The following CFDP1 variants were observed in gnomAD, a reference collection of about 807,000 sequenced individuals.
CFDP1 encodes heterochromatin-stabilizing protein CFDP1.
A neutral mutation model predicts 40.1 loss-of-function variants in CFDP1; 31 were observed. The observed-to-expected ratio is 0.77, with a 90% CI of 0.58 to 1.04. CFDP1 has a LOEUF of 1.04. Among genes scored for constraint, CFDP1 ranks in the 50% least tolerant of loss-of-function variants. The probability of loss-of-function intolerance (pLI) is 0.00; values close to 1 mark genes in which losing one functional copy is unlikely to be tolerated. For missense variants in CFDP1, 423 were observed against 343.4 expected (o/e 1.23, Z -1.83); for synonymous variants, 167 against 120.0 (o/e 1.39, Z -2.56).
At chr16:75,424,952 C>T (rs928367835) in intron 1 of CFDP1, among the ~76,000 whole-genome samples, 4 of 152,068 alleles carry the variant, frequency 2.6e-5, no homozygotes, top group Non-Finnish European at 4.4e-5. Flanking sequence ...CCCACAGAAT[C>T]TACAAAAACC....
intron 5 of CFDP1, among the ~76,000 whole-genome samples, chr16:75,317,838 T>C (rs1353860492): frequency 6.6e-6 from 1 of 151,994 alleles, no homozygotes; most frequent in African/African-American, 2.4e-5. Context: ...TGGCCAGGTG[T>C]GGTAGCTCAC....
chr16:75,419,721 C>T (rs2079255114), intron 1 of CFDP1, among the ~76,000 whole-genome samples: 1 of 152,122 alleles, frequency 6.6e-6, no homozygotes, highest in Non-Finnish European at 1.5e-5. Flanking sequence ...CTGGCTAAAA[C>T]CCACCAAAAC....
At chr16:75,374,663 C>A (rs974257870) in intron 5 of CFDP1, among the ~76,000 whole-genome samples, 4 of 151,094 alleles carry the variant, frequency 2.6e-5, no homozygotes, top group Non-Finnish European at 4.4e-5. Context: ...AAAAAAAAAA[C>A]ACACAGAAAT....
rs1555557207 is a variant in CFDP1 at position 75,349,684 on chromosome 16, A to ATATATATATATATATATATAT, written c.651-44503_651-44502insATATATATATATATATATATA. 3.4e-3 allele frequency among the ~76,000 whole-genome samples: 28 copies of ATATATATATATATATATATAT among 8,270 alleles called. 3 individuals carry two copies. The highest frequency in any genetic ancestry group is 8.3e-3 in the Admixed American group (3 of 360). 5.4% of individuals were successfully genotyped at this position (8,270 alleles called of 152,430 possible). On this transcript the variant is annotated intron_variant, in intron 5 of 6. Transcript: ENST00000283882. ...AAAAAAAAAAAAAAAAAAAAAAAAA[A>ATATATATATATATATATATAT]AAAAAAATATATATACATACATATA...
At chr16:75,354,833 G>A (rs8050059) in intron 5 of CFDP1, among the ~76,000 whole-genome samples, 78,627 of 152,050 alleles carry the variant, frequency 0.52, 21,441 homozygotes, top group Admixed American at 0.64. Flanking sequence ...GTACCGTCCC[G>A]TTGTTAATCT....
intron 4 of CFDP1, among the ~76,000 whole-genome samples, chr16:75,400,942 C>T (rs1300413150): frequency 6.6e-6 from 1 of 152,094 alleles, no homozygotes; most frequent in African/African-American, 2.4e-5. Flanking sequence ...CAGAAAATGT[C>T]CTAGAAGTGA....
chr16:75,395,487 C>T (rs959105282), intron 4 of CFDP1, among the ~76,000 whole-genome samples: 10 of 151,810 alleles, frequency 6.6e-5, no homozygotes, highest in South Asian at 2.1e-4. Context: ...GGTGAAATCC[C>T]GTCTCTATTA....
intron 5 of CFDP1, among the ~76,000 whole-genome samples, chr16:75,310,123 T>A (rs868159877): frequency 1.3e-5 from 2 of 152,216 alleles, no homozygotes; most frequent in African/African-American, 4.8e-5. Flanking sequence ...TGCAACCACC[T>A]CCTCCTGAAC....
At chr16:75,294,175 A>G in intron 6 of CFDP1, 133 bp from the exon 7 acceptor site, 1 of 647,882 alleles carries the variant, frequency 1.5e-6, no homozygotes. Context: ...CTCTTCCAGT[A>G]CAATCCAAAC....
chr16:75,309,819 CAAAAAAAA>C (rs1156624164), intron 5 of CFDP1, among the ~76,000 whole-genome samples: 21 of 46,480 alleles, frequency 4.5e-4, no homozygotes, highest in African/African-American at 1.4e-3. Context: ...GACTCCATCT[CAAAAAAAA>C]AAAAAAAAAA....
At chr16:75,409,324 T>C (rs77402732) in intron 4 of CFDP1, 1 of 152,152 alleles carries the variant, frequency 6.6e-6, no homozygotes, top group African/African-American at 2.4e-5. Flanking sequence ...AATCTTTTTT[T>C]CCCCCACACC....
At chr16:75,362,312 C>T (rs1353325227) in intron 5 of CFDP1, among the ~76,000 whole-genome samples, 1 of 152,162 alleles carries the variant, frequency 6.6e-6, no homozygotes, top group Non-Finnish European at 1.5e-5. Context: ...CCAGCTGCAC[C>T]TCTAGGAGGG....
chr16:75,412,961 A>AGT (rs2079175916), intron 2 of CFDP1, among the ~76,000 whole-genome samples: 1 of 151,952 alleles, frequency 6.6e-6, no homozygotes, highest in Admixed American at 6.6e-5. Context: ...CTGAGCTCTT[A>AGT]GTGCTAACTT....
chr16:75,303,357 C>T (rs1435397943), intron 6 of CFDP1, among the ~76,000 whole-genome samples: 2 of 148,344 alleles, frequency 1.3e-5, no homozygotes, highest in Non-Finnish European at 3.0e-5. Flanking sequence ...CAGGGTGAGA[C>T]TCCATCTCTA....
At chr16:75,395,004 G>T in intron 5 of CFDP1, 86 bp downstream of exon 5, 1 of 1,510,146 alleles carries the variant, frequency 6.6e-7, no homozygotes, top group Non-Finnish European at 9.1e-7. Context: ...CAGGCAAGGA[G>T]TCTGATCTGC....
Position 75,316,929 on chromosome 16 carries a change from C to T in CFDP1, c.651-11747G>A, listed in dbSNP as rs541517427. 1.4e-3 allele frequency among the ~76,000 whole-genome samples: 210 copies of T among 150,818 alleles called. 1 individual carries two copies. The highest frequency in any genetic ancestry group is 7.4e-3 in the Middle Eastern group (2 of 270). On this transcript the variant is annotated intron_variant, in intron 5 of 6. Coordinates refer to ENST00000283882, the MANE Select transcript of CFDP1 (RefSeq NM_006324.3). ...CCGGGAGGCAGAGGTTGTGGTGAGG[C>T]GAGATCGCACCACTGCACTCCAGCC...
chr16:75,421,654 G>C (rs1185598956), intron 1 of CFDP1, among the ~76,000 whole-genome samples: 1 of 151,984 alleles, frequency 6.6e-6, no homozygotes, highest in Non-Finnish European at 1.5e-5. Flanking sequence ...AGCATACAAG[G>C]TGAATAAAAA....
At chr16:75,402,477 A>G (rs1354263782) in intron 4 of CFDP1, among the ~76,000 whole-genome samples, 1 of 152,134 alleles carries the variant, frequency 6.6e-6, no homozygotes, top group Admixed American at 6.6e-5. Flanking sequence ...TAAGCTAAAC[A>G]TTTTTCAAGT....
chr16:75,364,730 A>C (rs886064384), intron 5 of CFDP1, among the ~76,000 whole-genome samples: 1 of 152,222 alleles, frequency 6.6e-6, no homozygotes. Flanking sequence ...GTTAACATGT[A>C]ATGAGTTTAC....
Sources: allele counts gnomAD v4.1 joint callset (sites outside exome capture counted in the v4.1 genomes callset), GRCh38; gene constraint gnomAD v4.1.1; transcripts MANE v1.5; gene names NCBI Gene and HGNC (gene_info 2026-07-23, HGNC 2026-07-21).